Variants in FBXO34 observed in about 807,000 individuals in gnomAD.
FBXO34 encodes F-box only protein 34.
FBXO34 carries 12 observed loss-of-function variants against 24.5 expected under a neutral mutation model. The observed-to-expected ratio is 0.49, with a 90% CI of 0.31 to 0.79. The LOEUF (loss-of-function observed/expected upper bound fraction) is 0.79, where lower values mean the gene tolerates loss of function less well. Ranked by LOEUF, FBXO34 falls within the 30% of genes least tolerant of loss-of-function variation. The probability of loss-of-function intolerance (pLI) is 0.04; values close to 1 mark genes in which losing one functional copy is unlikely to be tolerated. For missense variants in FBXO34, 823 were observed against 857.7 expected (o/e 0.96, Z 0.51); for synonymous variants, 320 against 311.9 (o/e 1.03, Z -0.27).
intron 1 of FBXO34, among the ~76,000 whole-genome samples, chr14:55,317,797 G>A (rs1594747939): frequency 6.6e-6 from 1 of 152,142 alleles, no homozygotes; most frequent in Admixed American, 6.5e-5. Context: ...GTGGGATCTG[G>A]CATGCACATG....
intron 1 of FBXO34, among the ~76,000 whole-genome samples, chr14:55,274,267 A>G (rs1194744268): frequency 2.0e-5 from 3 of 152,222 alleles, no homozygotes; most frequent in Non-Finnish European, 4.4e-5. Flanking sequence ...ATGAGTTAAT[A>G]GGTGAAGAAT....
chr14:55,407,071 C>T, the FBXO34 span, among the ~76,000 whole-genome samples: 1 of 151,762 alleles, frequency 6.6e-6, no homozygotes. Flanking sequence ...AAGCAATTCT[C>T]GTGCCTCAGC....
At chr14:55,410,897 A>G in the FBXO34 span, among the ~76,000 whole-genome samples, 35 of 149,836 alleles carry the variant, frequency 2.3e-4, no homozygotes, top group African/African-American at 8.3e-4. Context: ...TAATTTTTCA[A>G]TTTTCTTAAC....
chr14:55,285,737 CTT>C (rs1420438758), intron 1 of FBXO34, among the ~76,000 whole-genome samples: 2 of 152,196 alleles, frequency 1.3e-5, no homozygotes, highest in Non-Finnish European at 2.9e-5. Flanking sequence ...CATTAAAGGT[CTT>C]TTCAGGTGTT....
chr14:55,327,908 G>GTTTTTTTTTTTTTTTTTT (rs386381425), intron 1 of FBXO34, among the ~76,000 whole-genome samples: 2 of 48,698 alleles, frequency 4.1e-5, no homozygotes, highest in African/African-American at 8.5e-5. Context: ...GTTGTTGTTG[G>GTTTTTTTTTTTTTTTTTT]TTTTTTTTTT....
At chr14:55,305,066 C>T (rs1449131040) in intron 1 of FBXO34, among the ~76,000 whole-genome samples, 3 of 152,106 alleles carry the variant, frequency 2.0e-5, no homozygotes, top group African/African-American at 7.2e-5. Context: ...TAACTAACCT[C>T]AAATAAAAAT....
chr14:55,316,346 G>T (rs1236271996), intron 1 of FBXO34, among the ~76,000 whole-genome samples: 2 of 151,920 alleles, frequency 1.3e-5, no homozygotes, highest in Non-Finnish European at 2.9e-5. Context: ...CAGCACTTTG[G>T]GAGGCCAAGG....
At chr14:55,424,075 G>T in the FBXO34 span, 4 of 919,928 alleles carry the variant, frequency 4.3e-6, no homozygotes, top group Non-Finnish European at 5.1e-6. Flanking sequence ...CTTTACCATG[G>T]TGAACAAAGG....
intron 1 of FBXO34, among the ~76,000 whole-genome samples, chr14:55,288,471 C>T (rs1881835944): frequency 1.3e-5 from 2 of 151,900 alleles, no homozygotes; most frequent in African/African-American, 4.8e-5. Context: ...TTGTTTATGC[C>T]ATGAAAAAGG....
intron 1 of FBXO34, among the ~76,000 whole-genome samples, chr14:55,331,774 TATATACCACCATG>T (rs1883581142): frequency 2.6e-5 from 2 of 76,178 alleles, no homozygotes; most frequent in African/African-American, 1.4e-4. Flanking sequence ...TATATATATA[TATATACCACCATG>T]GTGTATATAT....
downstream of FBXO34, chr14:55,369,837 C>T (rs765269833): frequency 1.4e-5 from 23 of 1,614,180 alleles, no homozygotes; most frequent in Admixed American, 3.8e-4. Context: ...ACGCGCTCAT[C>T]TCCGCTCTCA....
chr14:55,315,325 A>G (rs7157308), intron 1 of FBXO34, among the ~76,000 whole-genome samples: 46,018 of 152,070 alleles, frequency 0.3, 7,265 homozygotes, highest in Non-Finnish European at 0.34. Flanking sequence ...CAAGTATTCT[A>G]TTATCTTCAT....
At chr14:55,430,672 C>A in the FBXO34 span, among the ~76,000 whole-genome samples, 1,310 of 152,282 alleles carry the variant, frequency 8.6e-3, 17 homozygotes, top group African/African-American at 0.03. Context: ...ACTGAGGTTA[C>A]AGGTGTGAGC....
chr14:55,321,733 T>C (rs1883140582), intron 1 of FBXO34, among the ~76,000 whole-genome samples: 1 of 152,088 alleles, frequency 6.6e-6, no homozygotes, highest in South Asian at 2.1e-4. Context: ...AGTGCTTAGC[T>C]CAGTACCAAG....
the FBXO34 span, chr14:55,428,697 C>CT: frequency 8.5e-7 from 1 of 1,182,746 alleles, no homozygotes; most frequent in Non-Finnish European, 1.2e-6. Context: ...GTGTCCCCCG[C>CT]CTTTTTTTTT....
exon 4 of FBXO34, chr14:55,361,915 G>C (rs1884599904): frequency 6.6e-6 from 1 of 152,196 alleles, no homozygotes; most frequent in Admixed American, 6.5e-5. Context: ...CTCCGTATCA[G>C]CAATGAGGCT....
At chr14:55,430,095 C>G in the FBXO34 span, among the ~76,000 whole-genome samples, 1 of 152,118 alleles carries the variant, frequency 6.6e-6, no homozygotes, top group Non-Finnish European at 1.5e-5. Flanking sequence ...CCTGTGGAGT[C>G]CTGAGAGGTG....
chr14:55,440,649 CAGCT>C, the FBXO34 span: 1 of 1,303,744 alleles, frequency 7.7e-7, no homozygotes, highest in Non-Finnish European at 1.0e-6. Context: ...ATGCGGAACC[CAGCT>C]ACCGGCCCAT....
At chr14:55,320,688 G>T (rs1594749689) in intron 1 of FBXO34, among the ~76,000 whole-genome samples, 1 of 152,190 alleles carries the variant, frequency 6.6e-6, no homozygotes, top group East Asian at 1.9e-4. Flanking sequence ...AACCCGGGAG[G>T]TGGAGCTTGC....
Sources: allele counts gnomAD v4.1 joint callset (sites outside exome capture counted in the v4.1 genomes callset), GRCh38; gene constraint gnomAD v4.1.1; transcripts MANE v1.5; gene names NCBI Gene and HGNC (gene_info 2026-07-23, HGNC 2026-07-21).